The following LPCAT2 variants were observed in gnomAD, a reference collection of about 807,000 sequenced individuals.
The protein encoded by LPCAT2 is lysophosphatidylcholine acyltransferase 2.
LPCAT2 carries 58 observed loss-of-function variants against 64.7 expected under a neutral mutation model. The ratio of observed to expected loss-of-function variants is 0.90; its 90% CI spans 0.73 to 1.12. The LOEUF (loss-of-function observed/expected upper bound fraction) is 1.12, where lower values mean the gene tolerates loss of function less well. LPCAT2 is among the 50% of genes most tolerant of loss of function. The probability of loss-of-function intolerance (pLI) is 0.00; values close to 1 mark genes in which losing one functional copy is unlikely to be tolerated. For missense variants in LPCAT2, 579 were observed against 669.8 expected, an observed-to-expected ratio of 0.86 and a Z score of 1.50; for synonymous variants, 252 against 245.3, an observed-to-expected ratio of 1.03 and a Z score of -0.26.
chr16:55,575,577 TTC>T (rs1259619658), intron 12 of LPCAT2, among the ~76,000 whole-genome samples: 3 of 152,202 alleles, frequency 2.0e-5, no homozygotes, highest in African/African-American at 7.2e-5. Context: ...GCTGCAGACC[TTC>T]TCTGTTTCTG....
intron 11 of LPCAT2, among the ~76,000 whole-genome samples, chr16:55,565,440 A>G (rs1234172707): frequency 1.3e-5 from 2 of 152,138 alleles, no homozygotes; most frequent in African/African-American, 4.8e-5. Context: ...CCAATAGCCA[A>G]AAGGGCAACC....
intron 6 of LPCAT2, 43 bp from the exon 7 acceptor site, chr16:55,534,399 AT>A: frequency 3.3e-6 from 4 of 1,227,648 alleles, no homozygotes; most frequent in Non-Finnish European, 4.7e-6. Context: ...TTTATTTAGT[AT>A]TTTTCCTCCA....
At chr16:55,533,406 GTTTT>G (rs11335464) in intron 6 of LPCAT2, among the ~76,000 whole-genome samples, 3 of 96,442 alleles carry the variant, frequency 3.1e-5, no homozygotes, top group East Asian at 2.9e-4. Context: ...TGTTTTTCGG[GTTTT>G]TTTTTTTTTT....
rs750303879 is a variant in LPCAT2, at chr16:55,574,690, C to T, written c.1275C>T (p.Asn425=). 6.2e-7 allele frequency: 1 copy of T among 1,613,576 alleles called. No individual in the cohort carries two copies. Among genetic ancestry groups the T allele is most frequent in the South Asian group, 1.1e-5 (1 of 91,072 alleles). ...TGATTGGCCTGGCTGTCTTGTGCAA[C>T]CCTTCCAACACAGAGGAGATCATCC... ...EYVIGLAVLC[N]PSNTEEIIQV... Residue 425 remains asparagine (N), a synonymous_variant, in exon 12 of 14, where the codon AAC becomes AAT. Coordinates refer to ENST00000262134, the MANE Select transcript of LPCAT2 (RefSeq NM_017839.5).
At chr16:55,557,796 A>G (rs1209041930) in intron 11 of LPCAT2, among the ~76,000 whole-genome samples, 1 of 152,060 alleles carries the variant, frequency 6.6e-6, no homozygotes, top group African/African-American at 2.4e-5. Context: ...TCCCACCTGC[A>G]TTCTTGGTTC....
At chr16:55,546,705 A>C (rs553361687) in intron 9 of LPCAT2, among the ~76,000 whole-genome samples, 178 of 152,304 alleles carry the variant, frequency 1.2e-3, no homozygotes, top group Non-Finnish European at 2.1e-3. Flanking sequence ...GTTTGGCAAA[A>C]AATTTGCTAT....
intron 8 of LPCAT2, chr16:55,538,812 C>A (rs1169073034): frequency 6.7e-6 from 1 of 150,086 alleles, no homozygotes; most frequent in East Asian, 2.0e-4. Context: ...TTTTTTTTCT[C>A]AAGACTACTC....
At chr16:55,544,642 A>G (rs2142394223) in intron 8 of LPCAT2, among the ~76,000 whole-genome samples, 1 of 152,318 alleles carries the variant, frequency 6.6e-6, no homozygotes, top group African/African-American at 2.4e-5. Flanking sequence ...GCCAACATCA[A>G]GTATTAGTTC....
At chr16:55,538,703 A>T (rs1466554982) in intron 8 of LPCAT2, 1 of 100,302 alleles carries the variant, frequency 1.0e-5, no homozygotes, top group Non-Finnish European at 2.4e-5. Context: ...AAAAAAAAAA[A>T]GAAAACCCAC....
At chr16:55,534,988 CACTTT>C (rs1403963924) in intron 7 of LPCAT2, among the ~76,000 whole-genome samples, 1 of 152,098 alleles carries the variant, frequency 6.6e-6, no homozygotes, top group African/African-American at 2.4e-5. Flanking sequence ...TTTCTATAAG[CACTTT>C]ACTTAAGAGA....
intron 11 of LPCAT2, among the ~76,000 whole-genome samples, chr16:55,558,840 C>T (rs1963604793): frequency 6.6e-6 from 1 of 152,158 alleles, no homozygotes; most frequent in Non-Finnish European, 1.5e-5. Context: ...ACTGTATTTC[C>T]TAAGCTGATG....
chr16:55,552,558 C>T (rs982782374), intron 11 of LPCAT2, among the ~76,000 whole-genome samples: 1 of 152,104 alleles, frequency 6.6e-6, no homozygotes, highest in East Asian at 1.9e-4. Flanking sequence ...ACAGGCAGGT[C>T]TTAGAGATGT....
rs538702810 is a variant in LPCAT2, at chr16:55,586,042, G to A, written c.*2944G>A. The A allele has an allele frequency of 4.6e-5, 7 of 152,208 alleles. No individual in the cohort carries two copies. In the South Asian group the frequency reaches 1.5e-3, roughly 32 times the overall value. The allele number at this position is 152,208 out of a possible 1,614,324, so 9.4% of individuals were successfully genotyped here. ...GATACTGGTGCAAGACCATTCCCGG[G>A]AAAGTAGACATACTTACATTTTTTT... is the stretch of plus-strand genomic sequence containing the variant. On this transcript the variant is annotated 3_prime_UTR_variant, in exon 14 of 14. Coordinates refer to ENST00000262134, the MANE Select transcript of LPCAT2 (RefSeq NM_017839.5).
In LPCAT2 at chr16:55,537,312, G is replaced by A. The variant is rs887164527; in HGVS notation, c.798-266G>A. ...AGGCTGAGGTGGGAGGATCACCTGA[G>A]CCCAGGAGGTTGAGGCTGCAGTGAG... On this transcript the variant is annotated intron_variant, in intron 7 of 13. Coordinates refer to ENST00000262134, the MANE Select transcript of LPCAT2 (RefSeq NM_017839.5). Among the ~76,000 whole-genome samples, 3 of 151,924 alleles carry A rather than the reference G, an allele frequency of 2.0e-5. No individual in the cohort carries two copies. The East Asian group carries it at 5.8e-4, about 29-fold the overall frequency.
At position 55,559,668 on chromosome 16, in the gene LPCAT2, G is replaced by T. The variant is rs1963614794; in HGVS notation, c.1215+8566G>T. 1.3e-5 allele frequency among the ~76,000 whole-genome samples: 2 copies of T among 149,880 alleles called. 1 individual carries two copies. The highest frequency in any genetic ancestry group is 4.2e-4 in the South Asian group (2 of 4,718). Reference sequence around the variant, plus strand: ...CAGTTAACGTTTTATATGTAATACAGTATTTCATAATTCACATGAAAAGAA... The same window carrying T: ...CAGTTAACGTTTTATATGTAATACATTATTTCATAATTCACATGAAAAGAA... On this transcript the variant is annotated intron_variant, in intron 11 of 13. Transcript: ENST00000262134.
rs11335464 is a variant in LPCAT2, at chr16:55,533,406, G to GTTTTTTTTTT, written c.762+537_762+546dup. Among the ~76,000 whole-genome samples the GTTTTTTTTTT allele has an allele frequency of 9.5e-4, 92 of 96,454 alleles. 2 individuals are homozygous for GTTTTTTTTTT. The highest frequency in any genetic ancestry group is 8.1e-3 in the Middle Eastern group (1 of 124). The allele number at this position is 96,454 out of a possible 152,430, so 63.3% of individuals were successfully genotyped here. ...CTTAACATCTTTTTTTGTTTTTCGG[G>GTTTTTTTTTT]TTTTTTTTTTTTTTTTTTTTTTGAG... On this transcript the variant is annotated intron_variant, in intron 6 of 13. Coordinates refer to ENST00000262134, the MANE Select transcript of LPCAT2 (RefSeq NM_017839.5).
At chr16:55,544,007 C>T (rs1179214668) in intron 8 of LPCAT2, among the ~76,000 whole-genome samples, 1 of 152,192 alleles carries the variant, frequency 6.6e-6, no homozygotes, top group Non-Finnish European at 1.5e-5. Flanking sequence ...CCTCCACATC[C>T]TCACTCCCTC....
chr16:55,534,951 G>A (rs191264482), intron 7 of LPCAT2, among the ~76,000 whole-genome samples: 31 of 152,188 alleles, frequency 2.0e-4, no homozygotes, highest in South Asian at 2.1e-4. Context: ...TTCTGCTCTT[G>A]GATTTGAAAA....
chr16:55,515,199 C>T (rs1156252573), intron 1 of LPCAT2, among the ~76,000 whole-genome samples: 1 of 151,520 alleles, frequency 6.6e-6, no homozygotes, highest in African/African-American at 2.4e-5. Context: ...TCTGCCTTCC[C>T]AAGGAGCTCA....
Sources: allele counts gnomAD v4.1 joint callset (sites outside exome capture counted in the v4.1 genomes callset), GRCh38; gene constraint gnomAD v4.1.1; transcripts MANE v1.5; gene names NCBI Gene and HGNC (gene_info 2026-07-23, HGNC 2026-07-21).